SMAP1: variants seen among roughly 807,000 people sequenced by gnomAD.
SMAP1 encodes the protein small ArfGAP 1.
A neutral mutation model predicts 58.5 loss-of-function variants in SMAP1; 24 were observed. The ratio of observed to expected loss-of-function variants is 0.41; its 90% CI spans 0.30 to 0.58. The LOEUF is 0.58. Ranked by LOEUF, SMAP1 falls within the 20% of genes least tolerant of loss-of-function variation. SMAP1 has a pLI of 0.29. For synonymous variants in SMAP1, 216 were observed against 196.6 expected, an observed-to-expected ratio of 1.10 and a Z score of -0.82; for missense variants, 563 against 566.3, an observed-to-expected ratio of 0.99 and a Z score of 0.06.
intron 5 of SMAP1, among the ~76,000 whole-genome samples, chr6:70,796,971 A>G (rs1443121546): frequency 1.3e-5 from 2 of 152,158 alleles, no homozygotes; most frequent in Non-Finnish European, 1.5e-5. Context: ...CAATATACCA[A>G]TAGTTTGTTA....
Position 70,732,491 on chromosome 6 carries a change from T to C in SMAP1, c.232T>C (p.Trp78Arg). 1 of 1,600,496 alleles carries C rather than the reference T, an allele frequency of 6.2e-7. No homozygotes were observed. The highest frequency in any genetic ancestry group is 8.5e-7 in the Non-Finnish European group (1 of 1,172,722). Residue 78 changes from tryptophan (W) to arginine (R), a missense_variant, in exon 2 of 11, where the codon TGG (tryptophan) becomes CGG (arginine). Trp to Arg is a moderately radical substitution (Grantham distance 101). This residue lies in a region of SMAP1 where 494 missense variants were observed against 473.8 expected (regional missense o/e 1.04). Coordinates refer to ENST00000370455, the MANE Select transcript of SMAP1 (RefSeq NM_001044305.3). ...GGTCAAATCAGTCAACCTAGACCAA[T>C]GGACAGCAGAACAGATACAGGTAAA... is the stretch of plus-strand genomic sequence containing the variant. ...SRVKSVNLDQ[W>R]TAEQIQCMQD...
At chr6:70,805,836 T>G (rs1484632685) in intron 6 of SMAP1, among the ~76,000 whole-genome samples, 1 of 152,210 alleles carries the variant, frequency 6.6e-6, no homozygotes, top group Non-Finnish European at 1.5e-5. Context: ...CAGCAGAGGC[T>G]GCAGAACAGC....
At position 70,857,955 on chromosome 6, in the gene SMAP1, C is replaced by T. The variant is rs553333443; in HGVS notation, c.995C>T (p.Thr332Ile). 3.5e-5 allele frequency: 57 copies of T among 1,613,950 alleles called. No homozygotes were observed. The highest frequency in any genetic ancestry group is 4.5e-5 in the Non-Finnish European group (53 of 1,180,006). Residue 332 changes from threonine (T) to isoleucine (I), a missense_variant, in exon 10 of 11, where the codon ACC (threonine) becomes ATC (isoleucine). Around this residue, in one of 3 missense-constraint regions of SMAP1, gnomAD observed 494 missense variants for 473.8 expected, o/e 1.04. Transcript: ENST00000370455. ...ATGGGACCCACAAATATACCATTTA[C>T]CTCACAAGCACCAGCTGCATTTCAG... ...VFMGPTNIPF[T>I]SQAPAAFQGF...
chr6:70,744,476 A>C (rs939019573), intron 2 of SMAP1, among the ~76,000 whole-genome samples: 1 of 152,160 alleles, frequency 6.6e-6, no homozygotes, highest in Non-Finnish European at 1.5e-5. Context: ...GTCCAGCTTC[A>C]TCCATGACCT....
chr6:70,688,787 G>A (rs530071702), intron 1 of SMAP1, among the ~76,000 whole-genome samples: 126 of 126,514 alleles, frequency 1.0e-3, no homozygotes, highest in Non-Finnish European at 1.8e-3. Context: ...GTTTTGAAGA[G>A]GTTCAATTTA....
Position 70,852,592 on chromosome 6 carries a change from G to A in SMAP1, c.717G>A (p.Leu239=), listed in dbSNP as rs750662370. The A allele has an allele frequency of 6.2e-7, 1 of 1,610,440 alleles. No homozygotes were observed. The highest frequency in any genetic ancestry group is 8.5e-7 in the Non-Finnish European group (1 of 1,178,256). ...ACGGGAACACAACGGTGCCACCCCT[G>A]AACGATGATCTGGACATCTTTGGAC... is the stretch of plus-strand genomic sequence containing the variant. The part of the protein sequence containing the change: ...VTNGNTTVPP[L]NDDLDIFGPM... The change falls in exon 8 of 11, where the codon CTG becomes CTA. Residue 239 remains leucine (L), a synonymous_variant. Transcript: ENST00000370455.
At chr6:70,830,628 ACTT>A (rs1363756251) in intron 6 of SMAP1, among the ~76,000 whole-genome samples, 1 of 152,180 alleles carries the variant, frequency 6.6e-6, no homozygotes, top group Non-Finnish European at 1.5e-5. Flanking sequence ...GATAAAAATG[ACTT>A]CTTATGTTAT....
chr6:70,825,630 G>T (rs1327870582), intron 6 of SMAP1, among the ~76,000 whole-genome samples: 1 of 152,144 alleles, frequency 6.6e-6, no homozygotes, highest in Non-Finnish European at 1.5e-5. Flanking sequence ...GCTTACCATT[G>T]TCAAGAGAGG....
rs372280797 is a variant in SMAP1, at chr6:70,725,491, G to GGGCT, written c.119-6886_119-6883dup. ...AGTATAGCTGACCATGAGCAGTGAA[G>GGGCT]GGCTAGTCAGTGCTCTTGCGTAAAG... is the stretch of plus-strand genomic sequence containing the variant. On this transcript the variant is annotated intron_variant, in intron 1 of 10. Transcript: ENST00000370455. Among the ~76,000 whole-genome samples, 594 of 152,188 alleles carry GGGCT rather than the reference G, an allele frequency of 3.9e-3. 3 individuals carry two copies. Among genetic ancestry groups the GGGCT allele is most frequent in the African/African-American group, 0.014 (578 of 41,496 alleles).
chr6:70,768,980 C>G (rs564182549), intron 3 of SMAP1, among the ~76,000 whole-genome samples: 2,788 of 152,094 alleles, frequency 0.018, 35 homozygotes, highest in Non-Finnish European at 0.025. Flanking sequence ...CAAAGAACAT[C>G]TTTATTTCTG....
chr6:70,772,928 A>T (rs1767391565), intron 3 of SMAP1: 1 of 157,026 alleles, frequency 6.4e-6, no homozygotes, highest in Non-Finnish European at 1.4e-5. Context: ...TGTGGGAGGA[A>T]TTAAAGGACC....
At chr6:70,835,059 C>G (rs966799242) in intron 6 of SMAP1, among the ~76,000 whole-genome samples, 1 of 149,870 alleles carries the variant, frequency 6.7e-6, no homozygotes, top group Admixed American at 6.7e-5. Context: ...ACCATCCTAG[C>G]TAACACGGTG....
chr6:70,756,179 C>T (rs1039068512), intron 3 of SMAP1, among the ~76,000 whole-genome samples: 4 of 151,930 alleles, frequency 2.6e-5, no homozygotes, highest in Admixed American at 6.6e-5. Context: ...ATTGTAGGTA[C>T]GTGGATTCTG....
intron 1 of SMAP1, among the ~76,000 whole-genome samples, chr6:70,679,466 A>T (rs1006953187): frequency 2.0e-5 from 3 of 152,206 alleles, no homozygotes; most frequent in African/African-American, 7.2e-5. Flanking sequence ...TTGCAATGGG[A>T]TCATTTATGT....
intron 3 of SMAP1, among the ~76,000 whole-genome samples, chr6:70,757,131 A>G (rs1766526127): frequency 6.6e-6 from 1 of 152,080 alleles, no homozygotes; most frequent in African/African-American, 2.4e-5. Flanking sequence ...CTACAAGGCT[A>G]CAGTAACCAA....
rs376013565 is a variant in SMAP1 at position 70,852,595 on chromosome 6, C to T, written c.720C>T (p.Asn240=). 2.5e-5 allele frequency: 41 copies of T among 1,610,194 alleles called. 1 individual carries two copies. The East Asian group carries it at 5.4e-4, about 21-fold the overall frequency. Residue 240 remains asparagine (N), a synonymous_variant, in exon 8 of 11, where the codon AAC becomes AAT. Coordinates refer to ENST00000370455, the MANE Select transcript of SMAP1 (RefSeq NM_001044305.3). ...GGAACACAACGGTGCCACCCCTGAACGATGATCTGGACATCTTTGGACCGA... is the reference window on the plus strand; with the variant it reads ...GGAACACAACGGTGCCACCCCTGAATGATGATCTGGACATCTTTGGACCGA... ...TNGNTTVPPL[N]DDLDIFGPMI... is the part of the protein sequence containing the mutation.
intron 4 of SMAP1, among the ~76,000 whole-genome samples, chr6:70,783,419 T>A (rs144559126): frequency 0.012 from 1,885 of 152,254 alleles, 22 homozygotes; most frequent in Middle Eastern, 0.024. Flanking sequence ...AGGAACGCAG[T>A]TCCTCACCAG....
At chr6:70,857,082 T>A (rs761741402) in intron 9 of SMAP1, 52 bp downstream of exon 9, 2 of 1,478,326 alleles carry the variant, frequency 1.4e-6, no homozygotes, top group Non-Finnish European at 1.8e-6. Context: ...GTACATCCTT[T>A]GTAATTATAT....
chr6:70,774,131 A>G (rs923143509), intron 4 of SMAP1, among the ~76,000 whole-genome samples: 1 of 152,158 alleles, frequency 6.6e-6, no homozygotes, highest in African/African-American at 2.4e-5. Flanking sequence ...CATATTACCT[A>G]AGTATGTAGT....
Sources: allele counts gnomAD v4.1 joint callset (sites outside exome capture counted in the v4.1 genomes callset), GRCh38; gene constraint gnomAD v4.1.1; regional missense constraint gnomAD v4.1.1; transcripts MANE v1.5; gene names NCBI Gene and HGNC (gene_info 2026-07-23, HGNC 2026-07-21).